TMEM117: variants seen among roughly 807,000 people sequenced by gnomAD.
TMEM117 encodes the protein transmembrane protein 117.
Under a neutral mutation model 52.4 loss-of-function variants are expected in TMEM117, and 27 were observed. The observed-to-expected ratio is 0.51, with a 90% confidence interval of 0.38 to 0.71. The LOEUF is 0.71. TMEM117 is among the 30% of genes least tolerant of loss of function. The pLI is 0.00. For missense variants in TMEM117, 556 were observed against 630.5 expected, an observed-to-expected ratio of 0.88 and a Z score of 1.26; for synonymous variants, 215 against 206.3, an observed-to-expected ratio of 1.04 and a Z score of -0.36.
At chr12:43,991,461 C>G (rs1565783421) in intron 3 of TMEM117, among the ~76,000 whole-genome samples, 1 of 151,806 alleles carries the variant, frequency 6.6e-6, no homozygotes, top group East Asian at 1.9e-4. Flanking sequence ...ATCTATCTAT[C>G]TATCTATCTA....
In TMEM117 at chr12:44,369,292, G is replaced by C. The variant is rs569078290; in HGVS notation, c.769-7303G>C. 7.9e-5 allele frequency among the ~76,000 whole-genome samples: 12 copies of C among 152,240 alleles called. No individual in the cohort carries two copies. In the South Asian group the frequency reaches 2.3e-3, roughly 29 times the overall value. The stretch of plus-strand genomic sequence containing the variant: ...ACACATTTCTACCTTGACACTTAAA[G>C]GAATGATGTTTTCAAGGTGTCTAGG... On this transcript the variant is annotated intron_variant, in intron 6 of 7. Coordinates refer to ENST00000266534, the MANE Select transcript of TMEM117 (RefSeq NM_032256.3).
intron 1 of TMEM117, among the ~76,000 whole-genome samples, chr12:43,843,665 C>A (rs1444297575): frequency 6.6e-6 from 1 of 152,210 alleles, no homozygotes; most frequent in African/African-American, 2.4e-5. Context: ...CCCTTCTTCA[C>A]TAGTAAAAAA....
intron 5 of TMEM117, among the ~76,000 whole-genome samples, chr12:44,245,417 C>G (rs1950116403): frequency 6.6e-6 from 1 of 151,860 alleles, no homozygotes; most frequent in Non-Finnish European, 1.5e-5. Context: ...TTTTCACCTT[C>G]CTGGTTAAAT....
chr12:44,364,640 GTGAAGGGCTTCT>G (rs1308521555), intron 6 of TMEM117, among the ~76,000 whole-genome samples: 3 of 152,014 alleles, frequency 2.0e-5, no homozygotes, highest in Non-Finnish European at 4.4e-5. Flanking sequence ...AATCCTTTAA[GTGAAGGGCTTCT>G]TGTAACACAG....
intron 5 of TMEM117, among the ~76,000 whole-genome samples, chr12:44,241,572 G>A (rs778187361): frequency 3.3e-5 from 5 of 151,800 alleles, no homozygotes; most frequent in Admixed American, 1.3e-4. Flanking sequence ...TTATTAGAGC[G>A]CTCTCCTACT....
intron 2 of TMEM117, among the ~76,000 whole-genome samples, chr12:43,916,062 A>T (rs1317618339): frequency 1.3e-5 from 2 of 152,116 alleles, no homozygotes; most frequent in Non-Finnish European, 2.9e-5. Context: ...ATTCATAGTC[A>T]CTACTAACTT....
At chr12:44,336,888 C>T (rs937974966) in intron 6 of TMEM117, among the ~76,000 whole-genome samples, 1 of 151,986 alleles carries the variant, frequency 6.6e-6, no homozygotes, top group Non-Finnish European at 1.5e-5. Context: ...GACCTACTGT[C>T]ATCTAGAGCA....
At chr12:44,132,187 GTTTT>G (rs536269311) in intron 3 of TMEM117, among the ~76,000 whole-genome samples, 5 of 133,406 alleles carry the variant, frequency 3.7e-5, no homozygotes, top group Non-Finnish European at 4.9e-5. Context: ...GGCTGCTCAG[GTTTT>G]TTTTTTTTTT....
intron 2 of TMEM117, among the ~76,000 whole-genome samples, chr12:43,932,584 C>T (rs987512370): frequency 1.3e-5 from 2 of 152,154 alleles, no homozygotes; most frequent in African/African-American, 4.8e-5. Flanking sequence ...TGCCTTCAAA[C>T]TGTTGTGTGA....
At chr12:44,371,131 CT>C (rs1311756888) in intron 6 of TMEM117, among the ~76,000 whole-genome samples, 3 of 152,140 alleles carry the variant, frequency 2.0e-5, no homozygotes, top group African/African-American at 7.2e-5. Context: ...GAGTACAATT[CT>C]TCAGGCCACC....
At chr12:43,913,351 CAAAA>C (rs1035077392) in intron 2 of TMEM117, among the ~76,000 whole-genome samples, 11 of 152,152 alleles carry the variant, frequency 7.2e-5, no homozygotes, top group Non-Finnish European at 1.2e-4. Context: ...TGTCTAGTAA[CAAAA>C]AAGTCATATT....
At chr12:43,904,615 T>A (rs1944355075) in intron 2 of TMEM117, among the ~76,000 whole-genome samples, 1 of 152,130 alleles carries the variant, frequency 6.6e-6, no homozygotes, top group East Asian at 1.9e-4. Flanking sequence ...GACTCCTTTG[T>A]GTACTCAATA....
intron 3 of TMEM117, among the ~76,000 whole-genome samples, chr12:44,060,518 G>A (rs1432047139): frequency 6.6e-6 from 1 of 152,154 alleles, no homozygotes; most frequent in East Asian, 1.9e-4. Context: ...GCTGATTGTG[G>A]AGGGCTTCAA....
chr12:44,090,215 C>T (rs1329854427), intron 3 of TMEM117, among the ~76,000 whole-genome samples: 1 of 151,878 alleles, frequency 6.6e-6, no homozygotes, highest in Non-Finnish European at 1.5e-5. Context: ...TCAGGGGGTA[C>T]ATGTGCAGGA....
At chr12:44,354,501 A>G (rs1206885991) in intron 6 of TMEM117, among the ~76,000 whole-genome samples, 1 of 152,138 alleles carries the variant, frequency 6.6e-6, no homozygotes, top group Non-Finnish European at 1.5e-5. Flanking sequence ...CTGGGATGCA[A>G]GGCTGGTTCA....
chr12:44,056,845 G>A (rs925930259), intron 3 of TMEM117, among the ~76,000 whole-genome samples: 2 of 152,144 alleles, frequency 1.3e-5, no homozygotes, highest in African/African-American at 2.4e-5. Flanking sequence ...TTATGGGACA[G>A]GCTATATTAT....
intron 2 of TMEM117, among the ~76,000 whole-genome samples, chr12:43,936,712 T>G (rs942754815): frequency 6.6e-6 from 1 of 152,194 alleles, no homozygotes; most frequent in African/African-American, 2.4e-5. Context: ...GAACAACTGT[T>G]AGGTCAGATG....
At chr12:43,993,686 C>A in intron 3 of TMEM117, among the ~76,000 whole-genome samples, 1 of 152,008 alleles carries the variant, frequency 6.6e-6, no homozygotes, top group East Asian at 1.9e-4. Flanking sequence ...ATAATTCAGA[C>A]TTTTTGTCTC....
At chr12:44,254,904 C>T (rs1386704936) in intron 5 of TMEM117, among the ~76,000 whole-genome samples, 11 of 151,726 alleles carry the variant, frequency 7.2e-5, no homozygotes, top group South Asian at 4.2e-4. Flanking sequence ...TGAGAACATG[C>T]GGTGTTTGGT....
Sources: gnomAD v4.1 joint callset for allele counts (sites outside exome capture counted in the v4.1 genomes callset) on GRCh38, gnomAD v4.1.1 for gene constraint, MANE v1.5 for transcripts, NCBI Gene and HGNC (gene_info 2026-07-23, HGNC 2026-07-21) for gene names.